Variants in TMC2 observed in about 807,000 individuals in gnomAD.
The protein encoded by TMC2 is transmembrane channel like 2, also known as transmembrane channel-like protein 2.
In TMC2, 102 loss-of-function variants were observed where a neutral mutation model predicts 105.9. The ratio of observed to expected loss-of-function variants is 0.96; its 90% CI spans 0.82 to 1.14. The LOEUF is 1.14. Ranked by LOEUF, TMC2 falls within the 50% of genes most tolerant of loss-of-function variation. The pLI, the probability that TMC2 is intolerant of heterozygous loss-of-function variation, is 0.00. For missense variants in TMC2, 1,093 were observed against 1,134.3 expected (o/e 0.96, Z 0.52); for synonymous variants, 402 against 422.8 (o/e 0.95, Z 0.60).
At chr20:2,621,564 A>G (rs1319194166) in intron 16 of TMC2, among the ~76,000 whole-genome samples, 1 of 132,024 alleles carries the variant, frequency 7.6e-6, no homozygotes, top group Non-Finnish European at 1.6e-5. Context: ...AGCTACTCGC[A>G]AGGCTGAGGC....
Position 2,641,305 on chromosome 20 carries a change from C to T in TMC2, c.2675C>T (p.Pro892Leu), listed in dbSNP as rs777577333. 30 of 1,613,998 alleles carry T rather than the reference C, an allele frequency of 1.9e-5. No individual in the cohort carries two copies. Among genetic ancestry groups the T allele is most frequent in the South Asian group, 5.5e-5 (5 of 91,090 alleles). Residue 892 changes from proline (P) to leucine (L), a missense_variant, in exon 20 of 20, where the codon CCG becomes CTG. Physicochemically the swap from Pro to Leu is moderately conservative, Grantham distance 98. Transcript: ENST00000358864. ...DSGHAPSQTH[P>L]WRSASGKSAQ... is the part of the protein sequence containing the mutation. ...GGCCACGCCCCATCTCAGACTCATC[C>T]GTGGAGGTCAGCCTCTGGAAAGAGT...
chr20:2,633,074 T>C (rs535036973), intron 17 of TMC2, among the ~76,000 whole-genome samples: 2 of 152,390 alleles, frequency 1.3e-5, no homozygotes, highest in South Asian at 4.1e-4. Context: ...CTTTGTTGTG[T>C]GTGGCCACTA....
intron 7 of TMC2, among the ~76,000 whole-genome samples, chr20:2,588,606 A>G (rs964523978): frequency 4.6e-5 from 7 of 152,012 alleles, no homozygotes; most frequent in African/African-American, 1.7e-4. Flanking sequence ...TCTCTGCCAT[A>G]ATCCCTTTAA....
chr20:2,573,556 C>A (rs1045221934), intron 5 of TMC2, among the ~76,000 whole-genome samples: 1 of 131,264 alleles, frequency 7.6e-6, no homozygotes, highest in Non-Finnish European at 1.6e-5. Flanking sequence ...TTTTTCTTTT[C>A]TTTTCTTTTT....
intron 5 of TMC2, among the ~76,000 whole-genome samples, chr20:2,576,995 G>A (rs2086151621): frequency 6.9e-6 from 1 of 145,730 alleles, no homozygotes; most frequent in South Asian, 2.2e-4. Context: ...TGCAACCTCC[G>A]CCTCCTGGGT....
At chr20:2,551,166 T>C (rs1326379459) in intron 2 of TMC2, among the ~76,000 whole-genome samples, 1 of 152,224 alleles carries the variant, frequency 6.6e-6, no homozygotes, top group African/African-American at 2.4e-5. Flanking sequence ...CCAATAAGCA[T>C]GTAATAGTAT....
At chr20:2,552,930 C>A (rs537185744) in intron 2 of TMC2, among the ~76,000 whole-genome samples, 31 of 152,234 alleles carry the variant, frequency 2.0e-4, no homozygotes, top group Admixed American at 7.2e-4. Context: ...AACCTTGCAT[C>A]CTGCATCATT....
intron 11 of TMC2, among the ~76,000 whole-genome samples, chr20:2,605,194 GA>G (rs1002878281): frequency 2.6e-5 from 4 of 152,100 alleles, no homozygotes; most frequent in Non-Finnish European, 1.5e-5. Flanking sequence ...GTTGGTATGG[GA>G]AAAAATTTGG....
intron 4 of TMC2, 96 bp downstream of exon 4, chr20:2,562,106 GA>G: frequency 7.1e-7 from 1 of 1,412,364 alleles, no homozygotes; most frequent in South Asian, 1.4e-5. Context: ...AAAGGGGCTT[GA>G]TGTGAGGGGG....
chr20:2,565,553 A>G (rs1440398978), intron 4 of TMC2, among the ~76,000 whole-genome samples: 3 of 152,218 alleles, frequency 2.0e-5, no homozygotes, highest in Non-Finnish European at 2.9e-5. Context: ...TCGTCTCTCC[A>G]GAATTACCAG....
At chr20:2,587,554 G>T (rs531917497) in intron 7 of TMC2, among the ~76,000 whole-genome samples, 7 of 151,530 alleles carry the variant, frequency 4.6e-5, no homozygotes, top group Admixed American at 1.3e-4. Flanking sequence ...TTCTCTTGAA[G>T]AATTTGTGTA....
chr20:2,596,816 C>A (rs1005562120), intron 9 of TMC2, among the ~76,000 whole-genome samples: 1 of 151,760 alleles, frequency 6.6e-6, no homozygotes, highest in Non-Finnish European at 1.5e-5. Flanking sequence ...AATAGACTCC[C>A]GTATAGAGTT....
chr20:2,589,221 A>G, intron 7 of TMC2, among the ~76,000 whole-genome samples: 1 of 149,548 alleles, frequency 6.7e-6, no homozygotes, highest in African/African-American at 2.5e-5. Context: ...AAATCTTCCC[A>G]GGCCTCAACT....
chr20:2,555,374 C>T (rs2085979612), intron 2 of TMC2, among the ~76,000 whole-genome samples: 1 of 152,208 alleles, frequency 6.6e-6, no homozygotes, highest in Admixed American at 6.5e-5. Flanking sequence ...AGCCACCACA[C>T]CTGGTCTTGC....
At position 2,609,725 on chromosome 20, in the gene TMC2, T is replaced by G. The variant is rs2053993060; in HGVS notation, c.1414-694T>G. 2.0e-5 allele frequency among the ~76,000 whole-genome samples: 3 copies of G among 151,994 alleles called. No individual in the cohort carries two copies. The South Asian group carries it at 6.2e-4, about 32-fold the overall frequency. The stretch of plus-strand genomic sequence containing the variant: ...AGAACTACATGGACAGGTACGGAGA[T>G]GATGAGAAACCAAGCCAAGGGTCAG... On this transcript the variant is annotated intron_variant, in intron 11 of 19. Coordinates refer to ENST00000358864, the MANE Select transcript of TMC2 (RefSeq NM_080751.3).
chr20:2,595,495 T>G (rs757097342), intron 9 of TMC2, among the ~76,000 whole-genome samples: 6 of 152,158 alleles, frequency 3.9e-5, no homozygotes, highest in Non-Finnish European at 7.3e-5. Context: ...TAAATATATG[T>G]GGCAGTGATT....
chr20:2,643,185 A>G lies in TMC2; in HGVS notation c.*1834A>G, dbSNP rs1354168304. Among the ~76,000 whole-genome samples the G allele has an allele frequency of 1.3e-5, 2 of 152,170 alleles. No homozygotes were observed. The highest frequency in any genetic ancestry group is 4.2e-4 in the South Asian group (2 of 4,816). On this transcript the variant is annotated 3_prime_UTR_variant, in exon 20 of 20. Coordinates refer to ENST00000358864, the MANE Select transcript of TMC2 (RefSeq NM_080751.3). ...CTGATTTCCATGGAACCCAGGTCCA[A>G]GCCCCAAATCCAAAACTGCCTGTGT... is the stretch of plus-strand genomic sequence containing the variant.
In TMC2 at chr20:2,594,965, A is replaced by G; in HGVS notation, c.1074A>G (p.Arg358=). 6.2e-7 allele frequency: 1 copy of G among 1,613,100 alleles called. No individual in the cohort carries two copies. The highest frequency in any genetic ancestry group is 8.5e-7 in the Non-Finnish European group (1 of 1,179,596). Residue 358 remains arginine (R), a splice_region_variant and synonymous_variant, in exon 9 of 20, where the codon CGA becomes CGG. Transcript: ENST00000358864. ...GCTACAGCCTGATTATTGTCATTCG[A>G]TCGTAAGTATGACCGTCTCATCCGC... ...VFGYSLIIVI[R]SMASNTQGST...
intron 17 of TMC2, among the ~76,000 whole-genome samples, chr20:2,632,898 T>A (rs2086614091): frequency 6.6e-6 from 1 of 152,254 alleles, no homozygotes; most frequent in African/African-American, 2.4e-5. Context: ...CATGTCTTAC[T>A]AGTTTTTGCT....
Sources: allele counts gnomAD v4.1 joint callset (sites outside exome capture counted in the v4.1 genomes callset), GRCh38; gene constraint gnomAD v4.1.1; transcripts MANE v1.5; gene names NCBI Gene and HGNC (gene_info 2026-07-23, HGNC 2026-07-21).